POLR2B: variants seen among roughly 807,000 people sequenced by gnomAD.
The protein encoded by POLR2B is RNA polymerase II subunit B, also known as DNA-directed RNA polymerase II subunit RPB2.
A neutral mutation model predicts 144.6 loss-of-function variants in POLR2B; 57 were observed. That is an observed-to-expected ratio of 0.39 (90% confidence interval 0.32 to 0.49). POLR2B has a LOEUF of 0.49. Among genes scored for constraint, POLR2B ranks in the 20% least tolerant of loss-of-function variants. The pLI is 0.83. For missense variants in POLR2B, 595 were observed against 1,467.4 expected (o/e 0.41, Z 9.71); for synonymous variants, 442 against 469.8 (o/e 0.94, Z 0.77).
intron 6 of POLR2B, among the ~76,000 whole-genome samples, chr4:56,998,389 G>A (rs976497894): frequency 1.3e-5 from 2 of 152,074 alleles, no homozygotes; most frequent in Non-Finnish European, 2.9e-5. Context: ...TAGAGACAGG[G>A]TTTCACCATG....
chr4:57,018,278 A>C (rs1723431167), intron 16 of POLR2B, among the ~76,000 whole-genome samples: 1 of 152,246 alleles, frequency 6.6e-6, no homozygotes, highest in Non-Finnish European at 1.5e-5. Context: ...CGGCATAAAG[A>C]GTAGATTACA....
At chr4:57,005,796 C>G in intron 9 of POLR2B, 77 bp downstream of exon 9, 1 of 1,351,694 alleles carries the variant, frequency 7.4e-7, no homozygotes, top group Non-Finnish European at 1.0e-6. Context: ...TATGGCCAGG[C>G]TAAACTGTGT....
intron 7 of POLR2B, among the ~76,000 whole-genome samples, chr4:57,001,933 G>A (rs965927939): frequency 4.6e-5 from 7 of 152,126 alleles, no homozygotes; most frequent in African/African-American, 1.7e-4. Flanking sequence ...GTTAGAACAG[G>A]GAGTATATTT....
intron 6 of POLR2B, among the ~76,000 whole-genome samples, chr4:56,996,206 A>ATATGTGTGTGTGTGTGTGTGTGTGTG (rs71889513): frequency 8.7e-6 from 1 of 115,344 alleles, no homozygotes; most frequent in Non-Finnish European, 1.7e-5. Flanking sequence ...ATTTCAGTTC[A>ATATGTGTGTGTGTGTGTGTGTGTGTG]TGTGTGTGTG....
At chr4:57,020,865 G>A in intron 16 of POLR2B, 34 bp from the exon 17 acceptor site, 2 of 1,116,344 alleles carry the variant, frequency 1.8e-6, no homozygotes, top group South Asian at 1.2e-5. Flanking sequence ...TTTTCCAGGT[G>A]ATGTTTTAAT....
At chr4:57,006,197 C>T (rs1466910585) in intron 9 of POLR2B, among the ~76,000 whole-genome samples, 1 of 152,146 alleles carries the variant, frequency 6.6e-6, no homozygotes, top group Non-Finnish European at 1.5e-5. Context: ...GTAGACAGTA[C>T]AAAAAGGATA....
intron 2 of POLR2B, among the ~76,000 whole-genome samples, chr4:56,987,943 G>A (rs996523529): frequency 1.3e-5 from 2 of 151,398 alleles, no homozygotes; most frequent in African/African-American, 4.9e-5. Context: ...AGTATTGAAA[G>A]CCAGGTGCTG....
chr4:57,005,362 A>G lies in POLR2B; in HGVS notation c.1017A>G (p.Ala339=), dbSNP rs780333353. 12 of 1,609,878 alleles carry G rather than the reference A, an allele frequency of 7.5e-6. No individual in the cohort carries two copies. The Middle Eastern group carries it at 5.0e-4, about 67-fold the overall frequency. The stretch of plus-strand genomic sequence containing the variant: ...CTAAAGAGAAAAGAATTAAATATGC[A>G]AAGGAAGTTTTACAAAAAGAAATGC... ...GVTKEKRIKY[A]KEVLQKEMLP... is the part of the protein sequence containing the mutation. The change falls in exon 8 of 25, where the codon GCA becomes GCG. Residue 339 remains alanine (A), a synonymous_variant. Coordinates refer to ENST00000314595, the MANE Select transcript of POLR2B (RefSeq NM_000938.3).
rs755368725 is a variant in POLR2B at position 57,017,706 on chromosome 4, A to G, written c.2301A>G (p.Leu767=). 13 of 1,613,420 alleles carry G rather than the reference A, an allele frequency of 8.1e-6. No individual in the cohort carries two copies. Among genetic ancestry groups the G allele is most frequent in the Admixed American group, 1.7e-5 (1 of 59,860 alleles). Residue 767 remains leucine (L), a synonymous_variant, in exon 16 of 25, where the codon CTA becomes CTG. Coordinates refer to ENST00000314595, the MANE Select transcript of POLR2B (RefSeq NM_000938.3). This position sits in a 1 kb window ranked among gnomAD's most constrained non-coding sequence, Gnocchi z 4.8. ...PLVTTRSMEY[L]RFRELPAGIN... is the part of the protein sequence containing the mutation. The stretch of plus-strand genomic sequence containing the variant: ...TGACTACACGGTCTATGGAATATCT[A>G]CGATTTAGAGAGCTGCCAGCAGGTA...
intron 21 of POLR2B, 60 bp from the exon 22 acceptor site, chr4:57,024,826 T>C (rs758329772): frequency 8.7e-6 from 7 of 804,248 alleles, no homozygotes; most frequent in African/African-American, 3.5e-5. Context: ...TTTATTGATA[T>C]GACTTTTAGG....
chr4:57,025,323 C>G, intron 22 of POLR2B, 54 bp from the exon 23 acceptor site: 1 of 1,290,048 alleles, frequency 7.8e-7, no homozygotes, highest in Non-Finnish European at 1.1e-6. Context: ...CACATATCTT[C>G]TTTGACGTTG....
At chr4:56,990,977 A>T in intron 3 of POLR2B, 79 bp downstream of exon 3, 1 of 1,279,702 alleles carries the variant, frequency 7.8e-7, no homozygotes, top group Middle Eastern at 1.9e-4. Flanking sequence ...CCTGGCTTAA[A>T]GGTTAAAAAA....
At chr4:56,996,405 C>T (rs1395622086) in intron 6 of POLR2B, among the ~76,000 whole-genome samples, 2 of 149,980 alleles carry the variant, frequency 1.3e-5, no homozygotes, top group South Asian at 4.2e-4. Context: ...CTCAGCCTCC[C>T]GAGTAGCTGG....
chr4:57,006,399 G>C (rs1338620524), intron 9 of POLR2B, among the ~76,000 whole-genome samples: 1 of 152,166 alleles, frequency 6.6e-6, no homozygotes, highest in East Asian at 1.9e-4. Context: ...CTGCCTCCAG[G>C]GTTCAAGCGG....
intron 23 of POLR2B, among the ~76,000 whole-genome samples, chr4:57,026,178 C>A (rs1415224679): frequency 6.6e-6 from 1 of 151,898 alleles, no homozygotes; most frequent in African/African-American, 2.4e-5. Flanking sequence ...GCGGAGGTTG[C>A]AGTGAGCCGA....
chr4:56,996,141 A>G (rs1722667656), intron 6 of POLR2B, among the ~76,000 whole-genome samples: 1 of 150,158 alleles, frequency 6.7e-6, no homozygotes, highest in Non-Finnish European at 1.5e-5. Flanking sequence ...CTGTATGCCA[A>G]TTCTGTTACT....
rs1723887104 is a variant in POLR2B, at chr4:57,030,676, T to C, written c.3436-223T>C. 5 of 554,548 alleles carry C rather than the reference T, an allele frequency of 9.0e-6. No individual in the cohort carries two copies. In the East Asian group the frequency reaches 1.4e-4, roughly 16 times the overall value. The allele number at this position is 554,548 out of a possible 1,614,324, so 34.4% of individuals were successfully genotyped here. A position where few individuals can be genotyped will look rare whatever the true frequency, so the allele number is the denominator to read the frequency against. On this transcript the variant is annotated intron_variant, in intron 24 of 24. Coordinates refer to ENST00000314595, the MANE Select transcript of POLR2B (RefSeq NM_000938.3). The stretch of plus-strand genomic sequence containing the variant: ...TAAACAATGAGTTTTTGAAAACCTT[T>C]TAGTTGAGGTGGGTGAATATAAATT...
At chr4:57,016,507 C>G (rs1723370256) in intron 14 of POLR2B, among the ~76,000 whole-genome samples, 1 of 150,904 alleles carries the variant, frequency 6.6e-6, no homozygotes, top group African/African-American at 2.4e-5. Context: ...GGCAACAGAG[C>G]AAGACCCTGT....
At position 56,995,290 on chromosome 4, in the gene POLR2B, T is replaced by C; in HGVS notation, c.616T>C (p.Tyr206His). ...AGAGAAAATGGCAACAAACACAGTT[T>C]ATGTGTTTGCCAAAAAGGATTCTAA... ...AQEKMATNTV[Y>H]VFAKKDSKYA... Residue 206 changes from tyrosine to histidine, a missense_variant, in exon 6 of 25, where the codon TAT (tyrosine) becomes CAT (histidine). Tyr to His is a moderately conservative substitution (Grantham distance 83). Transcript: ENST00000314595. 3 of 1,612,462 alleles carry C rather than the reference T, an allele frequency of 1.9e-6. No homozygotes were observed. The highest frequency in any genetic ancestry group is 2.5e-6 in the Non-Finnish European group (3 of 1,178,524).
Sources: gnomAD v4.1 joint callset for allele counts (sites outside exome capture counted in the v4.1 genomes callset) on GRCh38, gnomAD v4.1.1 for gene constraint, Gnocchi (gnomAD v3.1) non-coding constraint, MANE v1.5 for transcripts, NCBI Gene and HGNC (gene_info 2026-07-23, HGNC 2026-07-21) for gene names.